Variants in HMGN1 observed in about 807,000 individuals in gnomAD.
HMGN1 encodes the protein non-histone chromosomal protein HMG-14.
In HMGN1, 9 loss-of-function variants were observed where a neutral mutation model predicts 18.4. The observed-to-expected ratio is 0.49, with a 90% confidence interval of 0.29 to 0.85. The LOEUF (loss-of-function observed/expected upper bound fraction) is 0.85. HMGN1 is among the 40% of genes least tolerant of loss of function. The probability of loss-of-function intolerance (pLI) is 0.07; values close to 1 mark genes in which losing one functional copy is unlikely to be tolerated. For synonymous variants in HMGN1, 59 were observed against 45.0 expected (o/e 1.31, Z -1.24); for missense variants, 151 against 119.2 (o/e 1.27, Z -1.24).
chr21:39,348,219 A>T, intron 4 of HMGN1, 73 bp downstream of exon 4: 3 of 1,564,464 alleles, frequency 1.9e-6, no homozygotes, highest in Non-Finnish European at 2.6e-6. Context: ...AGCTAATCAA[A>T]ATGGAAGCCC....
intron 4 of HMGN1, chr21:39,347,150 C>G (rs1258933826): frequency 5.5e-6 from 1 of 180,446 alleles, no homozygotes; most frequent in African/African-American, 2.4e-5. Context: ...ATTTTTTAGG[C>G]CTTCAAGTTT....
Position 39,343,166 on chromosome 21 carries a change from A to T in HMGN1, c.256-7T>A. 1 of 1,590,984 alleles carries T rather than the reference A, an allele frequency of 6.3e-7. No individual in the cohort carries two copies. The highest frequency in any genetic ancestry group is 8.6e-7 in the Non-Finnish European group (1 of 1,167,726). The stretch of plus-strand genomic sequence containing the variant: ...CTTCATCAGAGGCTGGACTCTGCAA[A>T]AGAAAGGAAATTGAGATCTTTAGCA... On this transcript the variant is annotated splice_polypyrimidine_tract_variant and splice_region_variant and intron_variant, in intron 5 of 5. Coordinates refer to ENST00000380749, the MANE Select transcript of HMGN1 (RefSeq NM_004965.7).
At chr21:39,345,474 T>C in intron 4 of HMGN1, 200 bp from the exon 5 acceptor site, 1 of 604,844 alleles carries the variant, frequency 1.7e-6, no homozygotes. Flanking sequence ...TTGTATAGAC[T>C]GTATCCATAA....
intron 2 of HMGN1, 35 bp downstream of exon 2, chr21:39,348,510 A>G: frequency 6.2e-7 from 1 of 1,613,806 alleles, no homozygotes; most frequent in Non-Finnish European, 8.5e-7. Context: ...GGCTCACGGG[A>G]AACCCACCAC....
intron 4 of HMGN1, chr21:39,346,632 G>GA: frequency 6.6e-6 from 1 of 152,598 alleles, no homozygotes; most frequent in South Asian, 2.1e-4. Flanking sequence ...TAGTTCTAGG[G>GA]AAAGATACAA....
At chr21:39,343,865 A>G (rs2776309) in intron 5 of HMGN1, among the ~76,000 whole-genome samples, 46,273 of 152,146 alleles carry the variant, frequency 0.3, 7,406 homozygotes, top group Middle Eastern at 0.36. Context: ...CTGTAATTTG[A>G]TAACATGTAC....
chr21:39,348,677 C>T (rs1355045729), intron 1 of HMGN1, 100 bp from the exon 2 acceptor site: 39 of 1,389,982 alleles, frequency 2.8e-5, no homozygotes, highest in Non-Finnish European at 3.5e-5. Context: ...GACGTCACGG[C>T]TTCCCGCCGC....
intron 5 of HMGN1, 28 bp downstream of exon 5, chr21:39,345,117 AC>A: frequency 6.7e-7 from 1 of 1,484,872 alleles, no homozygotes. Context: ...AATCACACAC[AC>A]ACACACACAC....
chr21:39,348,925 GC>G lies in HMGN1; in HGVS notation c.-9del. ...CACCTTCCTCTTGGGCATCGTGGCG[GC>G]GGGGAAGGCGCGTGCCGGGTGCCTG... is the stretch of plus-strand genomic sequence containing the variant. On this transcript the variant is annotated 5_prime_UTR_variant, in exon 1 of 6. Coordinates refer to ENST00000380749, the MANE Select transcript of HMGN1 (RefSeq NM_004965.7). 3.4e-6 allele frequency: 4 copies of G among 1,192,324 alleles called. No individual in the cohort carries two copies. Among genetic ancestry groups the G allele is most frequent in the Non-Finnish European group, 4.2e-6 (4 of 963,490 alleles). The allele number at this position is 1,192,324 out of a possible 1,614,324, so 73.9% of individuals were successfully genotyped here.
chr21:39,343,311 T>C, intron 5 of HMGN1, 152 bp from the exon 6 acceptor site: 1 of 668,456 alleles, frequency 1.5e-6, no homozygotes, highest in South Asian at 2.0e-5. Context: ...AACCACCCCC[T>C]CACCCCAAAT....
chr21:39,348,218 A>G (rs1188454900), intron 4 of HMGN1, 74 bp downstream of exon 4: 5 of 1,564,274 alleles, frequency 3.2e-6, no homozygotes, highest in African/African-American at 1.4e-5. Flanking sequence ...TAGCTAATCA[A>G]AATGGAAGCC....
chr21:39,346,663 C>A (rs2037066043), intron 4 of HMGN1: 1 of 152,394 alleles, frequency 6.6e-6, no homozygotes, highest in African/African-American at 2.4e-5. Context: ...CACACAGTGA[C>A]AAGATATGCC....
At chr21:39,344,029 C>G (rs992655660) in intron 5 of HMGN1, among the ~76,000 whole-genome samples, 1 of 152,086 alleles carries the variant, frequency 6.6e-6, no homozygotes, top group African/African-American at 2.4e-5. Flanking sequence ...CCAAGGCGGA[C>G]AGATCACCTG....
chr21:39,347,567 A>T (rs1368004481), intron 4 of HMGN1: 1 of 489,636 alleles, frequency 2.0e-6, no homozygotes, highest in East Asian at 6.9e-5. Flanking sequence ...TTGGATAAAA[A>T]TTAATCACCC....
chr21:39,344,763 T>A (rs555157265), intron 5 of HMGN1: 1 of 170,156 alleles, frequency 5.9e-6, no homozygotes, highest in South Asian at 1.5e-4. Flanking sequence ...TTTAGACCTT[T>A]AAGAAAAATA....
chr21:39,344,093 A>G (rs751469483), intron 5 of HMGN1, among the ~76,000 whole-genome samples: 77 of 152,036 alleles, frequency 5.1e-4, no homozygotes, highest in Non-Finnish European at 9.0e-4. Context: ...CGTTTCTACT[A>G]AAAATACAAA....
chr21:39,345,620 A>G lies in HMGN1; in HGVS notation c.127-346T>C, dbSNP rs1008012294. On this transcript the variant is annotated intron_variant, in intron 4 of 5. Coordinates refer to ENST00000380749, the MANE Select transcript of HMGN1 (RefSeq NM_004965.7). Reference sequence around the variant, plus strand: ...TAGTACTTGCATGTCAAGCCTCATTAGACATATGACAAATCCTAAAGCCCG... The same window carrying G: ...TAGTACTTGCATGTCAAGCCTCATTGGACATATGACAAATCCTAAAGCCCG... 4 of 391,254 alleles carry G rather than the reference A, an allele frequency of 1.0e-5. No individual in the cohort carries two copies. The Admixed American group carries it at 1.1e-4, about 10-fold the overall frequency. 24.2% of individuals were successfully genotyped at this position (391,254 alleles called of 1,614,324 possible).
intron 1 of HMGN1, 105 bp downstream of exon 1, chr21:39,348,798 G>A: frequency 9.4e-7 from 1 of 1,068,906 alleles, no homozygotes; most frequent in Non-Finnish European, 1.2e-6. Context: ...AGCGCCTCCC[G>A]GGCCCGTCGC....
chr21:39,343,948 T>C (rs761545524), intron 5 of HMGN1, among the ~76,000 whole-genome samples: 27 of 152,276 alleles, frequency 1.8e-4, no homozygotes, highest in African/African-American at 5.1e-4. Context: ...CAGTATTTGA[T>C]GTATGGTTAG....
Sources: gnomAD v4.1 joint callset for allele counts (sites outside exome capture counted in the v4.1 genomes callset) on GRCh38, gnomAD v4.1.1 for gene constraint, MANE v1.5 for transcripts, NCBI Gene and HGNC (gene_info 2026-07-23, HGNC 2026-07-21) for gene names.